Variants in RBFOX1 observed in about 807,000 individuals in gnomAD.
The protein encoded by RBFOX1 is RNA binding fox-1 homolog 1, also known as RNA binding protein fox-1 homolog 1.
Under a neutral mutation model 57.7 loss-of-function variants are expected in RBFOX1, and 8 were observed. The ratio of observed to expected loss-of-function variants is 0.14; its 90% CI spans 0.08 to 0.25. RBFOX1 has a LOEUF of 0.25. Among genes scored for constraint, RBFOX1 ranks in the 10% least tolerant of loss-of-function variants. RBFOX1 has a pLI of 1.00. For missense variants in RBFOX1, 611 were observed against 548.5 expected (o/e 1.11, Z -1.14); for synonymous variants, 326 against 222.4 (o/e 1.47, Z -4.15).
At chr16:7,362,373 GTGTA>G (rs746892807) in intron 4 of RBFOX1, among the ~76,000 whole-genome samples, 69 of 151,736 alleles carry the variant, frequency 4.5e-4, no homozygotes, top group Non-Finnish European at 1.9e-4. Flanking sequence ...GCTAGTGTGT[GTGTA>G]TGTGTTAATG....
intron 4 of RBFOX1, among the ~76,000 whole-genome samples, chr16:7,407,201 A>G (rs1274869952): frequency 2.6e-5 from 4 of 152,298 alleles, no homozygotes; most frequent in Admixed American, 6.5e-5. Flanking sequence ...TAGTCTTTGA[A>G]TCACATCCAT....
chr16:5,770,430 C>A (rs549505766), intron 3 of RBFOX1, among the ~76,000 whole-genome samples: 1 of 152,256 alleles, frequency 6.6e-6, no homozygotes, highest in Non-Finnish European at 1.5e-5. Context: ...AGGGGAGGAA[C>A]CCTTGGTTCA....
chr16:5,735,378 C>T (rs994172237), intron 3 of RBFOX1, among the ~76,000 whole-genome samples: 1 of 152,218 alleles, frequency 6.6e-6, no homozygotes, highest in Non-Finnish European at 1.5e-5. Flanking sequence ...CATCTGAATT[C>T]CGTCCTCACA....
chr16:7,688,748 G>C (rs1004872700), intron 14 of RBFOX1, among the ~76,000 whole-genome samples: 2 of 152,084 alleles, frequency 1.3e-5, no homozygotes, highest in Admixed American at 1.3e-4. Context: ...TCAGGCTAGT[G>C]ACATAAGAGT....
At chr16:7,267,255 C>T (rs933995766) in intron 4 of RBFOX1, among the ~76,000 whole-genome samples, 2 of 151,758 alleles carry the variant, frequency 1.3e-5, no homozygotes, top group African/African-American at 4.8e-5. Context: ...AAAAATTTAG[C>T]TGGGCACGGT....
chr16:7,690,244 A>T (rs531387300), intron 14 of RBFOX1, among the ~76,000 whole-genome samples: 6 of 152,222 alleles, frequency 3.9e-5, no homozygotes, highest in African/African-American at 1.4e-4. Context: ...AACCTCTATG[A>T]ATCTAAGGAG....
At chr16:6,953,316 G>T (rs2081139176) in intron 3 of RBFOX1, among the ~76,000 whole-genome samples, 1 of 152,092 alleles carries the variant, frequency 6.6e-6, no homozygotes, top group Admixed American at 6.6e-5. Context: ...AAGATTTATG[G>T]AGTCTCTTTC....
intron 4 of RBFOX1, among the ~76,000 whole-genome samples, chr16:5,923,562 G>A (rs1017965276): frequency 5.4e-5 from 7 of 129,642 alleles, no homozygotes; most frequent in Non-Finnish European, 1.1e-4. Flanking sequence ...TTTTTTTTGA[G>A]GTAGAGCCTT....
intron 1 of RBFOX1, among the ~76,000 whole-genome samples, chr16:6,048,265 A>T (rs1302314907): frequency 2.0e-5 from 3 of 152,226 alleles, no homozygotes; most frequent in Non-Finnish European, 4.4e-5. Flanking sequence ...ATTTGAGTTC[A>T]GACCTTTGTC....
chr16:6,044,508 C>G (rs1026141629), intron 1 of RBFOX1, among the ~76,000 whole-genome samples: 2 of 144,976 alleles, frequency 1.4e-5, no homozygotes, highest in Non-Finnish European at 3.0e-5. Context: ...AAAAAAAATT[C>G]AAACAATTCC....
intron 3 of RBFOX1, among the ~76,000 whole-genome samples, chr16:6,794,904 C>T (rs887511147): frequency 6.6e-6 from 1 of 152,116 alleles, no homozygotes; most frequent in Non-Finnish European, 1.5e-5. Context: ...TGGATCAACC[C>T]ATTCATTTCA....
intron 1 of RBFOX1, among the ~76,000 whole-genome samples, chr16:5,312,940 C>T (rs923288915): frequency 6.6e-6 from 1 of 152,188 alleles, no homozygotes; most frequent in Non-Finnish European, 1.5e-5. Context: ...TGGCTTGCTT[C>T]AGCATGAGCA....
In RBFOX1 at chr16:6,966,276, C is replaced by G. The variant is rs556852255; in HGVS notation, c.-15-85781C>G. On this transcript the variant is annotated intron_variant, in intron 3 of 15. Coordinates refer to ENST00000550418, the MANE Select transcript of RBFOX1 (RefSeq NM_018723.4). Reference sequence around the variant, plus strand: ...GAGGGTAAAATGAGCCTCCCGTTGACTGGGCACTCCTGCAGGCACTGAGGA... The same window carrying G: ...GAGGGTAAAATGAGCCTCCCGTTGAGTGGGCACTCCTGCAGGCACTGAGGA... Among the ~76,000 whole-genome samples, 286 of 152,262 alleles carry G rather than the reference C, an allele frequency of 1.9e-3. 1 individual carries two copies. The Middle Eastern group carries it at 0.024, about 13-fold the overall frequency.
intron 4 of RBFOX1, among the ~76,000 whole-genome samples, chr16:7,194,835 GGAGGATTGCTTAAGCCTGGGAGGCA>G (rs768357474): frequency 3.3e-5 from 5 of 151,690 alleles, no homozygotes; most frequent in Non-Finnish European, 7.4e-5. Context: ...GGCTGAGGTG[GGAGGATTGCTTAAGCCTGGGAGGCA>G]GAGGTTGCTG....
chr16:6,195,586 G>C (rs897075414), intron 1 of RBFOX1, among the ~76,000 whole-genome samples: 9 of 152,114 alleles, frequency 5.9e-5, no homozygotes, highest in Non-Finnish European at 1.0e-4. Context: ...AGGCGTGGTG[G>C]CACGTGCCTG....
At chr16:5,317,329 C>G (rs1265360159) in intron 1 of RBFOX1, among the ~76,000 whole-genome samples, 2 of 152,182 alleles carry the variant, frequency 1.3e-5, no homozygotes, top group Non-Finnish European at 2.9e-5. Context: ...ACATTCCTGG[C>G]CAGGCGCAGT....
rs147432272 is a variant in RBFOX1, at chr16:6,177,608, T to G, written c.-126-139387T>G. Among the ~76,000 whole-genome samples the G allele has an allele frequency of 5.4e-3, 815 of 152,276 alleles. 4 individuals are homozygous for G. The highest frequency in any genetic ancestry group is 0.019 in the African/African-American group (769 of 41,560). ...CTATGAAAAACGGAAAACAAGACCT[T>G]TTCCCCTCACTGTCATCCCAGCAAG... is the stretch of plus-strand genomic sequence containing the variant. On this transcript the variant is annotated intron_variant, in intron 1 of 15. Transcript: ENST00000550418.
At chr16:6,968,253 C>A (rs1250411275) in intron 3 of RBFOX1, among the ~76,000 whole-genome samples, 1 of 152,198 alleles carries the variant, frequency 6.6e-6, no homozygotes, top group Non-Finnish European at 1.5e-5. Flanking sequence ...TCAGCAAAGA[C>A]CCCCAGGCAA....
intron 4 of RBFOX1, among the ~76,000 whole-genome samples, chr16:7,313,100 A>G (rs939899817): frequency 6.6e-5 from 10 of 152,142 alleles, no homozygotes; most frequent in Non-Finnish European, 1.3e-4. Flanking sequence ...TCGTACTTCC[A>G]CATCACTCTT....
Sources: allele counts gnomAD v4.1 joint callset (sites outside exome capture counted in the v4.1 genomes callset), GRCh38; gene constraint gnomAD v4.1.1; transcripts MANE v1.5; gene names NCBI Gene and HGNC (gene_info 2026-07-23, HGNC 2026-07-21).